Variants in DLL3 observed in about 807,000 individuals in gnomAD.
DLL3 encodes delta like canonical Notch ligand 3, also known as delta-like protein 3.
In DLL3, 49 loss-of-function variants were observed where a neutral mutation model predicts 55.0. That is an observed-to-expected ratio of 0.89 (90% CI 0.71 to 1.13). The LOEUF is 1.13. Ranked by LOEUF, DLL3 falls within the 50% of genes most tolerant of loss-of-function variation. The pLI, the probability that DLL3 is intolerant of heterozygous loss-of-function variation, is 0.00. For missense variants in DLL3, 962 were observed against 875.5 expected, an observed-to-expected ratio of 1.10 and a Z score of -1.25; for synonymous variants, 421 against 385.2, an observed-to-expected ratio of 1.09 and a Z score of -1.09.
chr19:39,499,253 G>A lies in DLL3; in HGVS notation c.131G>A (p.Gly44Glu). Residue 44 changes from glycine (G) to glutamate (E), a missense_variant, in exon 2 of 9, where the codon GGG (glycine) becomes GAG (glutamate). Transcript: ENST00000356433. ...IHSFGPGPGP[G>E]APRSPCSARL... ...TCTTTCGGGCCGGGTCCAGGCCCTG[G>A]GGCCCCGCGGTCCCCCTGCAGCGCC... The A allele has an allele frequency of 6.5e-7, 1 of 1,544,488 alleles. No individual in the cohort carries two copies. The highest frequency in any genetic ancestry group is 8.7e-7 in the Non-Finnish European group (1 of 1,149,670).
intron 4 of DLL3, among the ~76,000 whole-genome samples, chr19:39,503,279 C>T (rs750460269): frequency 7.2e-5 from 11 of 152,190 alleles, no homozygotes; most frequent in Non-Finnish European, 1.3e-4. Context: ...CTGCCACCTT[C>T]GGAGAAACTG....
At chr19:39,502,166 GAC>G (rs1600753763) in intron 3 of DLL3, among the ~76,000 whole-genome samples, 1 of 151,822 alleles carries the variant, frequency 6.6e-6, no homozygotes, top group East Asian at 1.9e-4. Flanking sequence ...CAGCCTGGGC[GAC>G]AGAGTGAGAC....
In DLL3 at chr19:39,505,346, G is replaced by T. The variant is rs1388288040; in HGVS notation, c.988G>T (p.Gly330Cys). ...PCFNGGLCVG[G>C]ADPDSAYICH... Reference sequence around the variant, plus strand: ...CTTCAACGGCGGCTTGTGTGTCGGGGGTGCAGACCCTGACTCTGCCTACAT... The same window carrying T: ...CTTCAACGGCGGCTTGTGTGTCGGGTGTGCAGACCCTGACTCTGCCTACAT... Residue 330 changes from glycine to cysteine, a missense_variant, in exon 6 of 9, where the codon GGT becomes TGT. Physicochemically the swap from Gly to Cys is radical, Grantham distance 159. Transcript: ENST00000356433. The T allele has an allele frequency of 6.2e-7, 1 of 1,614,082 alleles. No homozygotes were observed. Among genetic ancestry groups the T allele is most frequent in the Non-Finnish European group, 8.5e-7 (1 of 1,180,034 alleles).
chr19:39,499,431 G>T lies in DLL3; in HGVS notation c.309G>T (p.Leu103=). The T allele has an allele frequency of 6.3e-7, 1 of 1,591,076 alleles. No individual in the cohort carries two copies. Among genetic ancestry groups the T allele is most frequent in the Non-Finnish European group, 8.5e-7 (1 of 1,176,368 alleles). The change falls in exon 2 of 9, where the codon CTG becomes CTT. Residue 103 remains leucine, a synonymous_variant. Coordinates refer to ENST00000356433, the MANE Select transcript of DLL3 (RefSeq NM_203486.3). ...QPGAPAPDLP[L]PDGLLQVPFR... is the part of the protein sequence containing the mutation. The stretch of plus-strand genomic sequence containing the variant: ...GAGCGCCCGCGCCTGATCTCCCACT[G>T]CCCGACGGCCTCTTGCAGGTGCCCT...
rs1365054904 is a variant in DLL3 at position 39,505,365 on chromosome 19, C to A, written c.1007C>A (p.Ala336Asp). 3.1e-6 allele frequency: 5 copies of A among 1,614,042 alleles called. No homozygotes were observed. The African/African-American group carries it at 6.7e-5, about 22-fold the overall frequency. ...GTCGGGGGTGCAGACCCTGACTCTG[C>A]CTACATCTGCCACTGCCCACCCGGT... ...LCVGGADPDS[A>D]YICHCPPGFQ... Residue 336 changes from alanine to aspartate, a missense_variant, in exon 6 of 9, where the codon GCC (alanine) becomes GAC (aspartate). Transcript: ENST00000356433.
At chr19:39,505,985 C>A in intron 6 of DLL3, among the ~76,000 whole-genome samples, 1 of 152,084 alleles carries the variant, frequency 6.6e-6, no homozygotes, top group Middle Eastern at 3.4e-3. Flanking sequence ...CCGAGGCGGG[C>A]AGATCACCTG....
chr19:39,498,974 C>G lies in DLL3; in HGVS notation c.-1C>G, dbSNP rs369489910. Reference sequence around the variant, plus strand: ...TCCCGAGACCCCCCCACCAGAAGGCCATGGTCTCCCCACGGATGTCCGGGC... The same window carrying G: ...TCCCGAGACCCCCCCACCAGAAGGCGATGGTCTCCCCACGGATGTCCGGGC... On this transcript the variant is annotated 5_prime_UTR_variant, in exon 1 of 9. Coordinates refer to ENST00000356433, the MANE Select transcript of DLL3 (RefSeq NM_203486.3). 1 of 1,613,936 alleles carries G rather than the reference C, an allele frequency of 6.2e-7. No homozygotes were observed. The highest frequency in any genetic ancestry group is 1.3e-5 in the African/African-American group (1 of 74,866).
In DLL3 at chr19:39,500,625, C is replaced by G; in HGVS notation, c.362C>G (p.Ser121Cys). The change falls in exon 3 of 9, where the codon TCT becomes TGT. Residue 121 changes from serine to cysteine, a missense_variant. Ser to Cys is a moderately radical substitution (Grantham distance 112, BLOSUM62 -1). Transcript: ENST00000356433. ...PFRDAWPGTF[S>C]FIIETWREEL... Reference sequence around the variant, plus strand: ...CCTTCACCCAACCAGGGCACCTTCTCTTTCATCATCGAAACCTGGAGAGAG... The same window carrying G: ...CCTTCACCCAACCAGGGCACCTTCTGTTTCATCATCGAAACCTGGAGAGAG... The G allele has an allele frequency of 6.2e-7, 1 of 1,613,734 alleles. No homozygotes were observed. The highest frequency in any genetic ancestry group is 1.1e-5 in the South Asian group (1 of 91,068).
intron 4 of DLL3, among the ~76,000 whole-genome samples, chr19:39,503,287 CTG>C (rs2079622065): frequency 6.6e-6 from 1 of 152,222 alleles, no homozygotes; most frequent in African/African-American, 2.4e-5. Context: ...TTCGGAGAAA[CTG>C]AGGACCCTGG....
Position 39,499,187 on chromosome 19 carries a change from C to T in DLL3, c.70-5C>T. On this transcript the variant is annotated splice_polypyrimidine_tract_variant and splice_region_variant and intron_variant, in intron 1 of 8. Transcript: ENST00000356433. ...CGCCTCACCCTGCGCCCGTCTCCGT[C>T]CCAGACACGGCCCGCTGGCGTCTTC... The T allele has an allele frequency of 6.3e-7, 1 of 1,584,656 alleles. No individual in the cohort carries two copies. The highest frequency in any genetic ancestry group is 1.8e-5 in the Admixed American group (1 of 56,140).
In DLL3 at chr19:39,502,775, CG is replaced by C. The variant is rs541279295; in HGVS notation, c.410-37del. Reference sequence around the variant, plus strand: ...CGCTCCGTATGCATCCATGTTCGGCCGGGCCCACCCCAGCACCCCTCCTTTG... The same window carrying C: ...CGCTCCGTATGCATCCATGTTCGGCCGGCCCACCCCAGCACCCCTCCTTTG... On this transcript the variant is annotated intron_variant, in intron 3 of 8. Coordinates refer to ENST00000356433, the MANE Select transcript of DLL3 (RefSeq NM_203486.3). 1.2e-3 allele frequency: 1,632 copies of C among 1,334,386 alleles called. 7 individuals are homozygous for C. Among genetic ancestry groups the C allele is most frequent in the African/African-American group, 7.1e-3 (466 of 65,526 alleles). 82.7% of individuals were successfully genotyped at this position (1,334,386 alleles called of 1,614,324 possible). A position where few individuals can be genotyped will look rare whatever the true frequency, so the allele number is the denominator to read the frequency against.
intron 2 of DLL3, among the ~76,000 whole-genome samples, chr19:39,500,262 TAA>T (rs34900598): frequency 7.4e-6 from 1 of 134,972 alleles, no homozygotes. Context: ...ACCTCGTTTC[TAA>T]AAAAAAAAAA....
At position 39,499,427 on chromosome 19, in the gene DLL3, C is replaced by T. The variant is rs772112030; in HGVS notation, c.305C>T (p.Pro102Leu). The T allele has an allele frequency of 1.3e-6, 2 of 1,590,778 alleles. No individual in the cohort carries two copies. Among genetic ancestry groups the T allele is most frequent in the Non-Finnish European group, 1.7e-6 (2 of 1,176,242 alleles). ...CCCGGAGCGCCCGCGCCTGATCTCCCACTGCCCGACGGCCTCTTGCAGGTG... is the reference window on the plus strand; with the variant it reads ...CCCGGAGCGCCCGCGCCTGATCTCCTACTGCCCGACGGCCTCTTGCAGGTG... ...EQPGAPAPDL[P>L]LPDGLLQVPF... Residue 102 changes from proline (P) to leucine (L), a missense_variant, in exon 2 of 9, where the codon CCA becomes CTA. By Grantham distance (98) the Pro-to-Leu change is moderately conservative. Coordinates refer to ENST00000356433, the MANE Select transcript of DLL3 (RefSeq NM_203486.3).
intron 4 of DLL3, 144 bp from the exon 5 acceptor site, chr19:39,503,927 C>T (rs2079625225): frequency 2.4e-6 from 2 of 817,700 alleles, no homozygotes; most frequent in African/African-American, 1.7e-5. Context: ...GTCACAGTAC[C>T]ATCTAGTCCC....
chr19:39,500,860 C>T (rs2079605936), intron 3 of DLL3, among the ~76,000 whole-genome samples, 188 bp downstream of exon 3: 1 of 148,898 alleles, frequency 6.7e-6, no homozygotes, highest in Non-Finnish European at 1.5e-5. Flanking sequence ...AGCAGTGGTT[C>T]TGGTACCAGA....
In DLL3 at chr19:39,500,633, A is replaced by G. The variant is rs777813964; in HGVS notation, c.370A>G (p.Ile124Val). The G allele has an allele frequency of 2.5e-6, 4 of 1,611,766 alleles. No homozygotes were observed. In the East Asian group the frequency reaches 8.9e-5, roughly 36 times the overall value. ...DAWPGTFSFI[I>V]ETWREELGDQ... ...CAACCAGGGCACCTTCTCTTTCATC[A>G]TCGAAACCTGGAGAGAGGAGTTAGG... Residue 124 changes from isoleucine (I) to valine (V), a missense_variant, in exon 3 of 9, where the codon ATC (isoleucine) becomes GTC (valine). Coordinates refer to ENST00000356433, the MANE Select transcript of DLL3 (RefSeq NM_203486.3).
Position 39,507,261 on chromosome 19 carries a change from C to G in DLL3, c.1316C>G (p.Ala439Gly). The G allele has an allele frequency of 6.5e-7, 1 of 1,529,146 alleles. No homozygotes were observed. The highest frequency in any genetic ancestry group is 8.7e-7 in the Non-Finnish European group (1 of 1,144,342). The allele number at this position is 1,529,146 out of a possible 1,614,324, so 94.7% of individuals were successfully genotyped here. A position where few individuals can be genotyped will look rare whatever the true frequency, so the allele number is the denominator to read the frequency against. Reference protein sequence around the residue: ...RADPCAARPCAHGGRCYAHFS... With the variant: ...RADPCAARPCGHGGRCYAHFS... ...GACCCGTGCGCCGCGCGCCCCTGTG[C>G]TCACGGCGGCCGCTGCTACGCCCAC... is the stretch of plus-strand genomic sequence containing the variant. The change falls in exon 7 of 9, where the codon GCT (alanine) becomes GGT (glycine). Residue 439 changes from alanine to glycine, a missense_variant. Coordinates refer to ENST00000356433, the MANE Select transcript of DLL3 (RefSeq NM_203486.3).
chr19:39,507,575 C>G lies in DLL3; in HGVS notation c.1630C>G (p.Leu544Val). Residue 544 changes from leucine to valine, a missense_variant, in exon 7 of 9, where the codon CTC (leucine) becomes GTC (valine). Physicochemically the swap from Leu to Val is conservative, Grantham distance 32. Coordinates refer to ENST00000356433, the MANE Select transcript of DLL3 (RefSeq NM_203486.3). Reference sequence around the variant, plus strand: ...GTCAGTCCACGCACTCCCGGATGCACTCAACAACCTAAGGACGCAGGAGGG... The same window carrying G: ...GTCAGTCCACGCACTCCCGGATGCAGTCAACAACCTAAGGACGCAGGAGGG... ...EPSVHALPDA[L>V]NNLRTQEGSG... 6.2e-7 allele frequency: 1 copy of G among 1,609,370 alleles called. No homozygotes were observed. Among genetic ancestry groups the G allele is most frequent in the Non-Finnish European group, 8.5e-7 (1 of 1,178,444 alleles).
chr19:39,505,174 G>C, intron 5 of DLL3, 55 bp from the exon 6 acceptor site: 6 of 1,576,492 alleles, frequency 3.8e-6, no homozygotes, highest in Non-Finnish European at 4.4e-6. Context: ...TGAGGAGGGG[G>C]ATGGGATTTT....
Sources: gnomAD v4.1 joint callset for allele counts (sites outside exome capture counted in the v4.1 genomes callset) on GRCh38, gnomAD v4.1.1 for gene constraint, MANE v1.5 for transcripts, NCBI Gene and HGNC (gene_info 2026-07-23, HGNC 2026-07-21) for gene names.